Variants in NLRP3 observed in about 807,000 individuals in gnomAD.
NLRP3 encodes NACHT, LRR and PYD domains-containing protein 3.
In NLRP3, 48 loss-of-function variants were observed where a neutral mutation model predicts 91.3. That is an observed-to-expected ratio of 0.53 (90% confidence interval 0.42 to 0.67). The LOEUF (loss-of-function observed/expected upper bound fraction) is 0.67. NLRP3 is among the 30% of genes least tolerant of loss of function. The pLI, the probability that NLRP3 is intolerant of heterozygous loss-of-function variation, is 0.00. For missense variants in NLRP3, 982 were observed against 1,276.9 expected, an observed-to-expected ratio of 0.77 and a Z score of 3.52; for synonymous variants, 561 against 507.9, an observed-to-expected ratio of 1.10 and a Z score of -1.41.
At position 247,424,889 on chromosome 1, in the gene NLRP3, C is replaced by A. The variant is rs756162800; in HGVS notation, c.1440C>A (p.Ile480=). The part of the protein sequence containing the change: ...LAADGIWNQK[I]LFEESDLRNH... The stretch of plus-strand genomic sequence containing the variant: ...CAGATGGAATCTGGAACCAGAAAAT[C>A]CTGTTTGAGGAGTCCGACCTCAGGA... The change falls in exon 4 of 10, where the codon ATC becomes ATA. Residue 480 remains isoleucine, a synonymous_variant. Transcript: ENST00000336119. This position sits in a 1 kb window ranked among gnomAD's most constrained non-coding sequence, Gnocchi z 8.1. The A allele has an allele frequency of 6.8e-6, 11 of 1,610,216 alleles. No individual in the cohort carries two copies. In the South Asian group the frequency reaches 1.2e-4, roughly 18 times the overall value.
intron 1 of NLRP3, among the ~76,000 whole-genome samples, chr1:247,417,083 G>A (rs1662115159): frequency 6.6e-6 from 1 of 152,182 alleles, no homozygotes; most frequent in South Asian, 2.1e-4. Flanking sequence ...CAGTCTAGTT[G>A]GGAAGACTAT....
chr1:247,424,181 G>A lies in NLRP3; in HGVS notation c.732G>A (p.Gly244=). ...ARKMMLDWAS[G]TLYQDRFDYL... is the part of the protein sequence containing the mutation. ...AGATGATGTTGGACTGGGCGTCGGG[G>A]ACACTCTACCAAGACAGGTTTGACT... The change falls in exon 4 of 10, where the codon GGG becomes GGA. Residue 244 remains glycine (G), a synonymous_variant. Transcript: ENST00000336119. The surrounding 1 kb of genome is among the most constrained non-coding windows in gnomAD (Gnocchi z 8.1). The A allele has an allele frequency of 6.2e-7, 1 of 1,614,096 alleles. No individual in the cohort carries two copies. Among genetic ancestry groups the A allele is most frequent in the South Asian group, 1.1e-5 (1 of 91,062 alleles).
intron 3 of NLRP3, 120 bp from the exon 4 acceptor site, chr1:247,423,727 G>T: frequency 1.1e-6 from 1 of 906,294 alleles, no homozygotes; most frequent in Non-Finnish European, 1.8e-6. Context: ...GTGGGGAGGA[G>T]CTGCACCTTC....
At chr1:247,444,207 G>A (rs1664441278) in intron 8 of NLRP3, 65 bp downstream of exon 8, 4 of 1,495,580 alleles carry the variant, frequency 2.7e-6, no homozygotes, top group Non-Finnish European at 3.7e-6. Flanking sequence ...GGACGTTTAG[G>A]CAGAGTGGCC....
At chr1:247,434,493 A>G (rs1459873507) in intron 6 of NLRP3, among the ~76,000 whole-genome samples, 1 of 152,206 alleles carries the variant, frequency 6.6e-6, no homozygotes, top group African/African-American at 2.4e-5. Flanking sequence ...AATAATAACA[A>G]AAAGAAGATG....
intron 7 of NLRP3, among the ~76,000 whole-genome samples, chr1:247,438,389 T>TTTG (rs1553291512): frequency 2.0e-4 from 29 of 142,520 alleles, no homozygotes; most frequent in Non-Finnish European, 3.8e-4. Flanking sequence ...TTTTTTTTTT[T>TTTG]TTTTTTTTTT....
intron 7 of NLRP3, among the ~76,000 whole-genome samples, chr1:247,441,529 G>A (rs968384041): frequency 6.6e-6 from 1 of 152,156 alleles, no homozygotes; most frequent in Non-Finnish European, 1.5e-5. Flanking sequence ...CTGGGATTCA[G>A]TTTTCATTAT....
rs746700668 is a variant in NLRP3, at chr1:247,432,030, A to C, written c.2322-2073A>C. Among the ~76,000 whole-genome samples, 4 of 152,054 alleles carry C rather than the reference A, an allele frequency of 2.6e-5. No individual in the cohort carries two copies. In the South Asian group the frequency reaches 6.2e-4, roughly 24 times the overall value. On this transcript the variant is annotated intron_variant, in intron 5 of 9. Coordinates refer to ENST00000336119, the MANE Select transcript of NLRP3 (RefSeq NM_001243133.2). ...TCTTCGAGTAGTTGGGATTACAGGC[A>C]TGGGCCACCACGCCCAGCTGATTTT...
At chr1:247,433,388 A>G (rs1452440175) in intron 5 of NLRP3, among the ~76,000 whole-genome samples, 1 of 152,196 alleles carries the variant, frequency 6.6e-6, no homozygotes, top group Non-Finnish European at 1.5e-5. Context: ...GGTTAGGAAC[A>G]CGAGGGAAGG....
At chr1:247,422,967 G>A (rs1183485464) in intron 2 of NLRP3, among the ~76,000 whole-genome samples, 1 of 152,210 alleles carries the variant, frequency 6.6e-6, no homozygotes, top group Non-Finnish European at 1.5e-5. Context: ...TTGATTTCCA[G>A]GCCTGAGGAA....
intron 5 of NLRP3, among the ~76,000 whole-genome samples, chr1:247,432,430 T>C (rs958202257): frequency 3.9e-5 from 6 of 152,236 alleles, no homozygotes; most frequent in Non-Finnish European, 7.3e-5. Flanking sequence ...TGTGACTTCA[T>C]TCTTTTCTAT....
intron 4 of NLRP3, among the ~76,000 whole-genome samples, chr1:247,427,869 C>G (rs1663016529): frequency 1.5e-5 from 1 of 65,536 alleles, no homozygotes; most frequent in Non-Finnish European, 3.3e-5. Flanking sequence ...ACCCATCCCT[C>G]TAGATGGCAC....
Position 247,448,462 on chromosome 1 carries a change from A to G in NLRP3, c.3063A>G (p.Glu1021=). ...AAAGTGCGTTAGAAACACTTCAAGA[A>G]GAAAAGCCTGAGCTGACCGTCGTCT... is the stretch of plus-strand genomic sequence containing the variant. ...ETKSALETLQ[E]EKPELTVVFE... The change falls in exon 10 of 10, where the codon GAA becomes GAG. Residue 1021 remains glutamate, a synonymous_variant. Transcript: ENST00000336119. 6.2e-7 allele frequency: 1 copy of G among 1,613,792 alleles called. No individual in the cohort carries two copies. The highest frequency in any genetic ancestry group is 8.5e-7 in the Non-Finnish European group (1 of 1,179,724).
At chr1:247,441,650 A>G (rs926681558) in intron 7 of NLRP3, among the ~76,000 whole-genome samples, 1 of 134,918 alleles carries the variant, frequency 7.4e-6, no homozygotes, top group Non-Finnish European at 1.6e-5. Context: ...GAGCTCAGTT[A>G]GGTGGATTGG....
intron 1 of NLRP3, 97 bp from the exon 2 acceptor site, chr1:247,417,956 C>G (rs1662173484): frequency 1.3e-5 from 2 of 152,290 alleles, no homozygotes; most frequent in African/African-American, 4.8e-5. Context: ...CTTCTATTGT[C>G]TCTCATCCCT....
Position 247,419,158 on chromosome 1 carries a change from A to ATTTT in NLRP3, c.277+82_277+83insTTTT, listed in dbSNP as rs1470801686. The stretch of plus-strand genomic sequence containing the variant: ...ATTTTCCATCTTTATATATATATAT[A>ATTTT]TATATATTTTTTTTTGAGACGGAGT... On this transcript the variant is annotated intron_variant, in intron 2 of 9. Transcript: ENST00000336119. 5 of 857,562 alleles carry ATTTT rather than the reference A, an allele frequency of 5.8e-6. No homozygotes were observed. The East Asian group carries it at 2.4e-4, about 42-fold the overall frequency. The allele number at this position is 857,562 out of a possible 1,614,324, so 53.1% of individuals were successfully genotyped here. A position where few individuals can be genotyped will look rare whatever the true frequency, so the allele number is the denominator to read the frequency against.
chr1:247,425,640 C>T lies in NLRP3; in HGVS notation c.2150+41C>T, dbSNP rs202051724. On this transcript the variant is annotated intron_variant, in intron 4 of 9. Coordinates refer to ENST00000336119, the MANE Select transcript of NLRP3 (RefSeq NM_001243133.2). This position sits in a 1 kb window ranked among gnomAD's most constrained non-coding sequence, Gnocchi z 4.1. ...TTCCAGGTGCTTCCTCCTGCTTCCT[C>T]GCCAGCTTCTTCTTGGCGCTTGCCT... is the stretch of plus-strand genomic sequence containing the variant. 6.7e-5 allele frequency: 106 copies of T among 1,585,070 alleles called. No homozygotes were observed. The highest frequency in any genetic ancestry group is 1.8e-4 in the East Asian group (8 of 44,832).
intron 5 of NLRP3, among the ~76,000 whole-genome samples, chr1:247,433,846 T>C (rs1222385921): frequency 1.5e-5 from 2 of 131,154 alleles, no homozygotes; most frequent in Admixed American, 1.6e-4. Flanking sequence ...CAGAGCTCTC[T>C]TGTCAGGTGT....
intron 6 of NLRP3, among the ~76,000 whole-genome samples, chr1:247,435,206 C>T (rs747556042): frequency 3.9e-5 from 6 of 151,954 alleles, no homozygotes; most frequent in East Asian, 1.9e-4. Context: ...GTCAAGATCC[C>T]GTCACTGTAC....
Sources: allele counts gnomAD v4.1 joint callset (sites outside exome capture counted in the v4.1 genomes callset), GRCh38; gene constraint gnomAD v4.1.1; non-coding constraint Gnocchi (gnomAD v3.1); transcripts MANE v1.5; gene names NCBI Gene and HGNC (gene_info 2026-07-23, HGNC 2026-07-21).